The following CSRNP3 variants were observed in gnomAD, a reference collection of about 807,000 sequenced individuals.
The protein encoded by CSRNP3 is cysteine/serine-rich nuclear protein 3.
CSRNP3 carries 12 observed loss-of-function variants against 48.0 expected under a neutral mutation model. That is an observed-to-expected ratio of 0.25 (90% CI 0.16 to 0.41). CSRNP3 has a LOEUF of 0.41. Ranked by LOEUF, CSRNP3 falls within the 10% of genes least tolerant of loss-of-function variation. The pLI is 1.00. For synonymous variants in CSRNP3, 263 were observed against 269.7 expected (o/e 0.98, Z 0.24); for missense variants, 580 against 724.4 (o/e 0.80, Z 2.29).
chr2:165,523,009 C>G (rs188287064), intron 3 of CSRNP3, among the ~76,000 whole-genome samples: 1 of 152,270 alleles, frequency 6.6e-6, no homozygotes, highest in Admixed American at 6.5e-5. Context: ...TTACCCCACT[C>G]AAGCCACACA....
intron 1 of CSRNP3, among the ~76,000 whole-genome samples, chr2:165,489,347 C>T (rs1684169366): frequency 7.1e-6 from 1 of 140,466 alleles, no homozygotes; most frequent in African/African-American, 2.7e-5. Context: ...GATGGATTCA[C>T]AGCCGAATTC....
chr2:165,522,159 G>A (rs1684672053), intron 3 of CSRNP3, among the ~76,000 whole-genome samples: 2 of 152,058 alleles, frequency 1.3e-5, no homozygotes, highest in Admixed American at 1.3e-4. Context: ...GGGTGCAGTG[G>A]TGTGTGTCTG....
chr2:165,655,910 T>C (rs1686997326), intron 4 of CSRNP3, among the ~76,000 whole-genome samples: 1 of 152,196 alleles, frequency 6.6e-6, no homozygotes, highest in Admixed American at 6.5e-5. Flanking sequence ...GTGACCTCAT[T>C]TTAATTTGTT....
At chr2:165,561,996 C>T (rs1472280488) in intron 3 of CSRNP3, among the ~76,000 whole-genome samples, 2 of 152,038 alleles carry the variant, frequency 1.3e-5, no homozygotes, top group African/African-American at 2.4e-5. Flanking sequence ...ATTCTAACTT[C>T]GATTTTTATT....
chr2:165,566,446 C>T (rs1357685146), intron 3 of CSRNP3, among the ~76,000 whole-genome samples: 1 of 151,416 alleles, frequency 6.6e-6, no homozygotes, highest in Non-Finnish European at 1.5e-5. Context: ...AACCACAGTA[C>T]CTGGGTTGGA....
chr2:165,483,504 C>G (rs527268719), intron 1 of CSRNP3, among the ~76,000 whole-genome samples: 2 of 152,142 alleles, frequency 1.3e-5, no homozygotes, highest in Non-Finnish European at 2.9e-5. Context: ...TCCTTATATT[C>G]TTTTAAGTCT....
chr2:165,533,716 G>A (rs1039308596), intron 3 of CSRNP3, among the ~76,000 whole-genome samples: 3 of 151,934 alleles, frequency 2.0e-5, no homozygotes, highest in Non-Finnish European at 4.4e-5. Flanking sequence ...TCTATTCAAG[G>A]ATGCTTTGGT....
At chr2:165,639,363 T>A (rs1286134190) in intron 4 of CSRNP3, among the ~76,000 whole-genome samples, 1 of 152,216 alleles carries the variant, frequency 6.6e-6, no homozygotes, top group Admixed American at 6.5e-5. Context: ...TTTTTCACTG[T>A]TCTGCGAGGT....
chr2:165,579,246 G>A (rs1366726708), intron 3 of CSRNP3, among the ~76,000 whole-genome samples: 1 of 152,090 alleles, frequency 6.6e-6, no homozygotes, highest in Non-Finnish European at 1.5e-5. Flanking sequence ...AGCAGTTAAT[G>A]GTTAGAATTT....
chr2:165,628,701 A>G lies in CSRNP3; in HGVS notation c.149-29060A>G, dbSNP rs368810001. On this transcript the variant is annotated intron_variant, in intron 4 of 6. Transcript: ENST00000651982. ...ATGGCGCCATCACACTCCAGCCTGG[A>G]CAATGAGAGCAAAACTCTGTCTCCA... Among the ~76,000 whole-genome samples the G allele has an allele frequency of 8.1e-4, 123 of 152,194 alleles. 1 individual carries two copies. The highest frequency in any genetic ancestry group is 2.9e-3 in the African/African-American group (120 of 41,538).
chr2:165,558,186 T>C (rs779512703), intron 3 of CSRNP3, among the ~76,000 whole-genome samples: 3 of 152,130 alleles, frequency 2.0e-5, no homozygotes, highest in Non-Finnish European at 4.4e-5. Context: ...CAACACTTGG[T>C]TATTTTATTT....
chr2:165,671,835 G>A (rs778386145), intron 5 of CSRNP3, among the ~76,000 whole-genome samples: 2 of 151,978 alleles, frequency 1.3e-5, no homozygotes, highest in Non-Finnish European at 2.9e-5. Flanking sequence ...ATGTTTTGCT[G>A]CTTTGAAATT....
Position 165,679,434 on chromosome 2 carries a change from A to G in CSRNP3, c.1439A>G (p.Tyr480Cys), listed in dbSNP as rs1359208255. The G allele has an allele frequency of 1.9e-6, 3 of 1,612,820 alleles. No homozygotes were observed. The highest frequency in any genetic ancestry group is 2.5e-6 in the Non-Finnish European group (3 of 1,179,588). The change falls in exon 7 of 7, where the codon TAT becomes TGT. Residue 480 changes from tyrosine (Y) to cysteine (C), a missense_variant. By Grantham distance (194) the Tyr-to-Cys change is radical. Transcript: ENST00000651982. ...YTMTPEQFVDYARQAEEAYGA... is the reference protein window; with the variant it reads ...YTMTPEQFVDCARQAEEAYGA... ...ATGACCCCGGAGCAATTCGTTGACT[A>G]TGCCCGACAAGCAGAAGAGGCCTAT...
At chr2:165,673,131 CTTTTTTTTTTT>C (rs3032370) in intron 5 of CSRNP3, among the ~76,000 whole-genome samples, 2 of 67,124 alleles carry the variant, frequency 3.0e-5, no homozygotes, top group Non-Finnish European at 5.2e-5. Context: ...GTATGTAGCT[CTTTTTTTTTTT>C]TTTTTTTTTT....
intron 3 of CSRNP3, among the ~76,000 whole-genome samples, chr2:165,555,170 C>T (rs992741892): frequency 3.3e-5 from 5 of 152,122 alleles, no homozygotes; most frequent in Non-Finnish European, 7.3e-5. Flanking sequence ...GACTCTACTT[C>T]CTTCTCCAAT....
chr2:165,530,929 T>A (rs1426002025), intron 3 of CSRNP3, among the ~76,000 whole-genome samples: 1 of 152,180 alleles, frequency 6.6e-6, no homozygotes, highest in African/African-American at 2.4e-5. Flanking sequence ...AAAACTAAGG[T>A]ATGGGACTGT....
At chr2:165,523,684 TGTCTCTATTCTTCCATCCAGAAA>T (rs1342539197) in intron 3 of CSRNP3, among the ~76,000 whole-genome samples, 1 of 152,212 alleles carries the variant, frequency 6.6e-6, no homozygotes, top group African/African-American at 2.4e-5. Context: ...CTGGCTCTTC[TGTCTCTATTCTTCCATCCAGAAA>T]GTCACAAACC....
At chr2:165,556,041 G>A (rs1685156643) in intron 3 of CSRNP3, among the ~76,000 whole-genome samples, 1 of 152,106 alleles carries the variant, frequency 6.6e-6, no homozygotes, top group African/African-American at 2.4e-5. Flanking sequence ...GTAACACTGT[G>A]AAAAGGGGCA....
chr2:165,475,908 T>A (rs10930165), intron 1 of CSRNP3, among the ~76,000 whole-genome samples: 55,059 of 151,992 alleles, frequency 0.36, 10,018 homozygotes, highest in African/African-American at 0.42. Flanking sequence ...GCTTCCCTGC[T>A]CTGTTTCATT....
Sources: allele counts gnomAD v4.1 joint callset (sites outside exome capture counted in the v4.1 genomes callset), GRCh38; gene constraint gnomAD v4.1.1; transcripts MANE v1.5; gene names NCBI Gene and HGNC (gene_info 2026-07-23, HGNC 2026-07-21).